OTUD7A: variants seen among roughly 807,000 people sequenced by gnomAD.
OTUD7A encodes the protein OTU deubiquitinase 7A.
In OTUD7A, 12 loss-of-function variants were observed where a neutral mutation model predicts 65.7. The ratio of observed to expected loss-of-function variants is 0.18; its 90% CI spans 0.12 to 0.30. OTUD7A has a LOEUF of 0.30. OTUD7A is among the 10% of genes least tolerant of loss of function. The probability of loss-of-function intolerance (pLI) is 1.00; values close to 1 mark genes in which losing one functional copy is unlikely to be tolerated. For missense variants in OTUD7A, 1,148 were observed against 1,304.8 expected, an observed-to-expected ratio of 0.88 and a Z score of 1.85; for synonymous variants, 641 against 586.3, an observed-to-expected ratio of 1.09 and a Z score of -1.35.
chr15:31,484,091 G>T lies in OTUD7A; in HGVS notation c.2005C>A (p.Gln669Lys). 6.2e-7 allele frequency: 1 copy of T among 1,600,160 alleles called. No individual in the cohort carries two copies. The change falls in exon 13 of 13, where the codon CAG (glutamine) becomes AAG (lysine). Residue 669 changes from glutamine to lysine, a missense_variant. Gln to Lys is a moderately conservative substitution (Grantham distance 53, BLOSUM62 1). Around this residue, in one of 6 missense-constraint regions of OTUD7A, gnomAD observed 842 missense variants for 769.5 expected, o/e 1.09. Transcript: ENST00000307050. The surrounding 1 kb of genome is among the most constrained non-coding windows in gnomAD (Gnocchi z 4.5). ...TCCTGCTCGGCGCTGAAGCGCTCCT[G>T]CGCGCTCGTCAGGTAGTAGCCGATC... is the stretch of plus-strand genomic sequence containing the variant. ...EMIGYYLTSA[Q>K]ERFSAEQEQR...
At chr15:31,854,507 T>TCCCCCACCTCCAATGATGTCAGGCAAAG (rs1897516577) in intron 1 of OTUD7A, among the ~76,000 whole-genome samples, 1 of 152,102 alleles carries the variant, frequency 6.6e-6, no homozygotes, top group Admixed American at 6.5e-5. Flanking sequence ...CAGCTCTTGG[T>TCCCCCACCTCCAATGATGTCAGGCAAAG]CCCCCACCTC....
intron 1 of OTUD7A, among the ~76,000 whole-genome samples, chr15:31,798,694 C>T (rs546679480): frequency 1.3e-5 from 2 of 152,256 alleles, no homozygotes; most frequent in South Asian, 4.2e-4. Context: ...CTCACTGGAC[C>T]CCAGCAGGAC....
chr15:31,798,486 G>A (rs1467376789), intron 1 of OTUD7A, among the ~76,000 whole-genome samples: 1 of 152,168 alleles, frequency 6.6e-6, no homozygotes, highest in Admixed American at 6.5e-5. Flanking sequence ...CACATAAAAT[G>A]AACAAGGCAG....
At chr15:31,533,758 C>T (rs1887709324) in intron 5 of OTUD7A, among the ~76,000 whole-genome samples, 1 of 152,106 alleles carries the variant, frequency 6.6e-6, no homozygotes. Flanking sequence ...TATGGGCAAA[C>T]ATAATAAGAC....
intron 1 of OTUD7A, among the ~76,000 whole-genome samples, chr15:31,666,361 C>A (rs1892320437): frequency 6.6e-6 from 1 of 152,054 alleles, no homozygotes. Flanking sequence ...TTGTATTTTT[C>A]CAGGAATTTA....
intron 3 of OTUD7A, among the ~76,000 whole-genome samples, chr15:31,584,893 GC>G (rs1436543086): frequency 3.9e-5 from 6 of 152,170 alleles, no homozygotes; most frequent in African/African-American, 1.4e-4. Context: ...GTGCCCTCTT[GC>G]TTCCTTGTCA....
At chr15:31,494,309 G>C (rs963293278) in intron 10 of OTUD7A, among the ~76,000 whole-genome samples, 10 of 152,130 alleles carry the variant, frequency 6.6e-5, no homozygotes, top group African/African-American at 2.4e-4. Flanking sequence ...GCACGAGAGC[G>C]CTCTTCTTTC....
intron 1 of OTUD7A, among the ~76,000 whole-genome samples, chr15:31,713,261 G>A (rs1387475514): frequency 6.6e-6 from 1 of 152,134 alleles, no homozygotes; most frequent in Non-Finnish European, 1.5e-5. Flanking sequence ...CAACATGGAG[G>A]AGCATCTGCA....
At chr15:31,508,632 G>A (rs1433776119) in intron 8 of OTUD7A, among the ~76,000 whole-genome samples, 1 of 152,256 alleles carries the variant, frequency 6.6e-6, no homozygotes, top group South Asian at 2.1e-4. Context: ...GATTACAGGC[G>A]TGAGGCACTG....
chr15:31,623,488 C>T (rs2141239906), intron 3 of OTUD7A, among the ~76,000 whole-genome samples: 1 of 152,388 alleles, frequency 6.6e-6, no homozygotes, highest in East Asian at 1.9e-4. Context: ...CCCAGCCTCA[C>T]TGCCGCCTTG....
At chr15:31,698,374 GCTCTTCTC>G (rs1893132209) in intron 1 of OTUD7A, among the ~76,000 whole-genome samples, 1 of 152,066 alleles carries the variant, frequency 6.6e-6, no homozygotes, top group African/African-American at 2.4e-5. Flanking sequence ...CTCCACCCCA[GCTCTTCTC>G]CTTCCAGTTC....
chr15:31,751,125 A>G (rs960940533), intron 1 of OTUD7A, among the ~76,000 whole-genome samples: 1 of 152,042 alleles, frequency 6.6e-6, no homozygotes, highest in Non-Finnish European at 1.5e-5. Flanking sequence ...AACAGAGTAA[A>G]TATACCACCT....
At chr15:31,818,253 T>A (rs1896599281) in intron 1 of OTUD7A, among the ~76,000 whole-genome samples, 1 of 152,160 alleles carries the variant, frequency 6.6e-6, no homozygotes, top group Non-Finnish European at 1.5e-5. Context: ...AGGTACCACA[T>A]ATGCTAGCAA....
chr15:31,701,614 G>A (rs1595715581), intron 1 of OTUD7A, among the ~76,000 whole-genome samples: 2 of 150,098 alleles, frequency 1.3e-5, no homozygotes, highest in African/African-American at 4.9e-5. Flanking sequence ...ATATGAAACC[G>A]GTCATTTGGA....
Position 31,526,452 on chromosome 15 carries a change from C to G in OTUD7A, c.790G>C (p.Val264Leu). 6.3e-7 allele frequency: 1 copy of G among 1,595,584 alleles called. No individual in the cohort carries two copies. ...CGCTCCCACTCCTCCTCTGTGTACA[C>G]CAGCCCTGACTGGCAGAGGGGAGCC... Reference protein sequence around the residue: ...QTQQNKESGLVYTEEEWEREW... With the variant: ...QTQQNKESGLLYTEEEWEREW... The change falls in exon 8 of 13, where the codon GTG becomes CTG. Residue 264 changes from valine to leucine, a missense_variant. By Grantham distance (32) the Val-to-Leu change is conservative. Around this residue, in one of 6 missense-constraint regions of OTUD7A, gnomAD observed 134 missense variants for 252.6 expected, o/e 0.53. Coordinates refer to ENST00000307050, the MANE Select transcript of OTUD7A (RefSeq NM_001382637.1).
intron 3 of OTUD7A, among the ~76,000 whole-genome samples, chr15:31,606,825 GCTGACATTATATATC>G (rs1890252139): frequency 6.6e-6 from 1 of 152,154 alleles, no homozygotes; most frequent in Non-Finnish European, 1.5e-5. Flanking sequence ...GTTATATAAT[GCTGACATTATATATC>G]ATATAAATCA....
intron 3 of OTUD7A, among the ~76,000 whole-genome samples, chr15:31,579,094 G>A (rs1242757109): frequency 1.3e-5 from 2 of 152,188 alleles, no homozygotes; most frequent in South Asian, 4.1e-4. Flanking sequence ...AAAGACAGTT[G>A]TCGATTTGGG....
chr15:31,857,443 G>C (rs546300966), intron 1 of OTUD7A, among the ~76,000 whole-genome samples: 1 of 152,104 alleles, frequency 6.6e-6, no homozygotes, highest in Non-Finnish European at 1.5e-5. Context: ...CTGGGCACTC[G>C]TAGTCCCCTC....
intron 1 of OTUD7A, among the ~76,000 whole-genome samples, chr15:31,683,087 A>G (rs1223755704): frequency 3.9e-5 from 6 of 152,230 alleles, no homozygotes; most frequent in Non-Finnish European, 8.8e-5. Context: ...AAGAAAAAAT[A>G]ATTTAGATTT....
Sources: allele counts gnomAD v4.1 joint callset (sites outside exome capture counted in the v4.1 genomes callset), GRCh38; gene constraint gnomAD v4.1.1; regional missense constraint gnomAD v4.1.1; non-coding constraint Gnocchi (gnomAD v3.1); transcripts MANE v1.5; gene names NCBI Gene and HGNC (gene_info 2026-07-23, HGNC 2026-07-21).